The following DGKB variants were observed in gnomAD, a reference collection of about 807,000 sequenced individuals.
DGKB encodes the protein 90 kDa diacylglycerol kinase.
In DGKB, 67 loss-of-function variants were observed where a neutral mutation model predicts 114.3. The ratio of observed to expected loss-of-function variants is 0.59; its 90% CI spans 0.48 to 0.72. The LOEUF is 0.72. DGKB is among the 30% of genes least tolerant of loss of function. The pLI, the probability that DGKB is intolerant of heterozygous loss-of-function variation, is 0.00. For missense variants in DGKB, 907 were observed against 975.2 expected (o/e 0.93, Z 0.93); for synonymous variants, 398 against 323.1 (o/e 1.23, Z -2.49).
At chr7:14,945,499 T>G (rs574789488) in intron 1 of DGKB, among the ~76,000 whole-genome samples, 1 of 151,976 alleles carries the variant, frequency 6.6e-6, no homozygotes, top group Non-Finnish European at 1.5e-5. Flanking sequence ...TATTAAAAAC[T>G]GATCTGGTTA....
At position 14,860,324 on chromosome 7, in the gene DGKB, A is replaced by G. The variant is rs191936085; in HGVS notation, c.-187-18874T>C. Among the ~76,000 whole-genome samples the G allele has an allele frequency of 2.2e-3, 338 of 152,218 alleles. 1 individual carries two copies. Among genetic ancestry groups the G allele is most frequent in the African/African-American group, 8.0e-3 (333 of 41,568 alleles). On this transcript the variant is annotated intron_variant, in intron 1 of 25. Coordinates refer to ENST00000402815, the MANE Select transcript of DGKB (RefSeq NM_001350709.2). ...AAATTTATTTCATTCTTTCTAATTC[A>G]TCACCTGCCTTGTAACATAAGTGTT...
chr7:14,800,341 T>C (rs565286994), intron 2 of DGKB, among the ~76,000 whole-genome samples: 4 of 152,348 alleles, frequency 2.6e-5, no homozygotes, highest in South Asian at 2.1e-4. Context: ...TGTGAGGGTG[T>C]TGACAAAAGA....
At chr7:14,275,910 A>G (rs1176156701) in intron 23 of DGKB, among the ~76,000 whole-genome samples, 1 of 152,210 alleles carries the variant, frequency 6.6e-6, no homozygotes, top group East Asian at 1.9e-4. Flanking sequence ...TGAGCGTTTA[A>G]TTAATTCTTA....
At chr7:14,650,088 G>A (rs1283158153) in intron 13 of DGKB, among the ~76,000 whole-genome samples, 4 of 151,510 alleles carry the variant, frequency 2.6e-5, no homozygotes, top group Non-Finnish European at 4.4e-5. Context: ...ACAGATCAAC[G>A]AGACAGAAAG....
chr7:14,701,406 G>C (rs987694092), intron 7 of DGKB, among the ~76,000 whole-genome samples: 1 of 152,092 alleles, frequency 6.6e-6, no homozygotes, highest in African/African-American at 2.4e-5. Flanking sequence ...AGACAAGGCT[G>C]GTGCCTTTCT....
intron 17 of DGKB, among the ~76,000 whole-genome samples, chr7:14,590,222 T>C (rs1329993255): frequency 2.0e-5 from 3 of 152,130 alleles, no homozygotes; most frequent in Non-Finnish European, 4.4e-5. Flanking sequence ...CTTTAGTAAC[T>C]ATTCTTAAAA....
intron 8 of DGKB, among the ~76,000 whole-genome samples, chr7:14,697,490 T>C (rs1338465674): frequency 2.0e-5 from 3 of 152,066 alleles, no homozygotes; most frequent in Non-Finnish European, 4.4e-5. Context: ...CCATTCAAAA[T>C]AACTTCCACG....
At chr7:14,245,783 C>T (rs1794384477) in intron 23 of DGKB, among the ~76,000 whole-genome samples, 1 of 151,970 alleles carries the variant, frequency 6.6e-6, no homozygotes, top group African/African-American at 2.4e-5. Flanking sequence ...CAAAAATTAG[C>T]TGGGCATGGT....
At chr7:14,318,458 C>T (rs1273812384) in intron 23 of DGKB, among the ~76,000 whole-genome samples, 1 of 152,136 alleles carries the variant, frequency 6.6e-6, no homozygotes, top group Non-Finnish European at 1.5e-5. Flanking sequence ...CAAACAACCC[C>T]ATCGAAAAGT....
rs181927828 is a variant in DGKB, at chr7:14,862,838, T to C, written c.-187-21388A>G. Among the ~76,000 whole-genome samples the C allele has an allele frequency of 5.9e-5, 9 of 152,232 alleles. No individual in the cohort carries two copies. The East Asian group carries it at 1.7e-3, about 29-fold the overall frequency. On this transcript the variant is annotated intron_variant, in intron 1 of 25. Transcript: ENST00000402815. ...CATTCAACATTCACTATTTTGGATA[T>C]TTGTGTTTTATTTCAGCCACTTTAA... is the stretch of plus-strand genomic sequence containing the variant.
At chr7:14,629,620 G>A (rs1809312291) in intron 14 of DGKB, among the ~76,000 whole-genome samples, 1 of 152,044 alleles carries the variant, frequency 6.6e-6, no homozygotes, top group African/African-American at 2.4e-5. Context: ...ACAGAACAAT[G>A]TGGAGGCTTT....
intron 5 of DGKB, among the ~76,000 whole-genome samples, chr7:14,729,723 CTT>C (rs1327393306): frequency 6.6e-6 from 1 of 152,132 alleles, no homozygotes; most frequent in Non-Finnish European, 1.5e-5. Flanking sequence ...GCACCTCACT[CTT>C]TTCTCCACAT....
chr7:14,918,917 G>A (rs1784371744), intron 1 of DGKB, among the ~76,000 whole-genome samples: 1 of 151,912 alleles, frequency 6.6e-6, no homozygotes, highest in Non-Finnish European at 1.5e-5. Flanking sequence ...CAAAAAATTA[G>A]CCGGGCGTGG....
chr7:14,389,315 C>T (rs1279501256), intron 21 of DGKB, among the ~76,000 whole-genome samples: 2 of 152,170 alleles, frequency 1.3e-5, no homozygotes, highest in Non-Finnish European at 2.9e-5. Context: ...ATTATGTTGT[C>T]CCATCTAGGA....
At chr7:14,677,139 A>G (rs1820006518) in intron 12 of DGKB, among the ~76,000 whole-genome samples, 2 of 151,988 alleles carry the variant, frequency 1.3e-5, no homozygotes, top group South Asian at 4.1e-4. Flanking sequence ...CAAGATAGAA[A>G]GAAAAAGAAA....
intron 23 of DGKB, among the ~76,000 whole-genome samples, chr7:14,260,880 G>A (rs1796679210): frequency 6.6e-6 from 1 of 152,062 alleles, no homozygotes; most frequent in Admixed American, 6.5e-5. Context: ...TGAAGATTTT[G>A]TCTACACAGT....
chr7:14,901,977 G>A (rs138231657), intron 1 of DGKB, among the ~76,000 whole-genome samples: 109 of 152,276 alleles, frequency 7.2e-4, no homozygotes, highest in African/African-American at 2.5e-3. Context: ...AAGTGGAGGA[G>A]ATTATTGCAG....
At chr7:14,218,949 A>G (rs575041270) in intron 23 of DGKB, among the ~76,000 whole-genome samples, 2 of 151,982 alleles carry the variant, frequency 1.3e-5, no homozygotes, top group South Asian at 4.1e-4. Flanking sequence ...CTATTCTCCC[A>G]GCAACTAATG....
At chr7:14,869,402 T>C (rs557338759) in intron 1 of DGKB, among the ~76,000 whole-genome samples, 17 of 152,284 alleles carry the variant, frequency 1.1e-4, no homozygotes, top group African/African-American at 3.8e-4. Context: ...TTTTCTTTTA[T>C]TTTTTCCTGA....
Sources: gnomAD v4.1 joint callset for allele counts (sites outside exome capture counted in the v4.1 genomes callset) on GRCh38, gnomAD v4.1.1 for gene constraint, MANE v1.5 for transcripts, NCBI Gene and HGNC (gene_info 2026-07-23, HGNC 2026-07-21) for gene names.